Variants in TENM3 observed in about 807,000 individuals in gnomAD.
TENM3 encodes the protein teneurin-3.
A neutral mutation model predicts 255.1 loss-of-function variants in TENM3; 63 were observed. The observed-to-expected ratio is 0.25, with a 90% confidence interval of 0.20 to 0.30. The LOEUF is 0.30. Among genes scored for constraint, TENM3 ranks in the 10% least tolerant of loss-of-function variants. The probability of loss-of-function intolerance (pLI) is 1.00; values close to 1 mark genes in which losing one functional copy is unlikely to be tolerated. For synonymous variants in TENM3, 1,306 were observed against 1,322.3 expected, an observed-to-expected ratio of 0.99 and a Z score of 0.27; for missense variants, 2,929 against 3,461.1, an observed-to-expected ratio of 0.85 and a Z score of 3.86.
intron 3 of TENM3, among the ~76,000 whole-genome samples, chr4:182,377,345 G>T (rs1767246370): frequency 6.6e-6 from 1 of 152,148 alleles, no homozygotes; most frequent in East Asian, 1.9e-4. Context: ...ACAGAGTCTT[G>T]CTCTGTCACC....
the TENM3 span, among the ~76,000 whole-genome samples, chr4:181,887,756 G>A: frequency 6.6e-6 from 1 of 152,152 alleles, no homozygotes; most frequent in East Asian, 1.9e-4. Context: ...TTTTAAAGAC[G>A]AGATGCAGCT....
rs969278748 is a variant in TENM3, at chr4:182,475,276, G to T, written c.512-125648G>T. Reference sequence around the variant, plus strand: ...AAGTTGCCGTCTTATTTGAAAGTTGGTTATTTTTTAAAAAATTATTCTTTT... The same window carrying T: ...AAGTTGCCGTCTTATTTGAAAGTTGTTTATTTTTTAAAAAATTATTCTTTT... On this transcript the variant is annotated intron_variant, in intron 3 of 27. Transcript: ENST00000511685. Among the ~76,000 whole-genome samples the T allele has an allele frequency of 5.9e-5, 9 of 152,228 alleles. No homozygotes were observed. In the East Asian group the frequency reaches 1.7e-3, roughly 29 times the overall value.
chr4:182,306,481 T>A (rs1297838580), intron 1 of TENM3, among the ~76,000 whole-genome samples: 1 of 152,254 alleles, frequency 6.6e-6, no homozygotes, highest in Non-Finnish European at 1.5e-5. Flanking sequence ...TGTTTCCTAC[T>A]TGAATCTTTG....
intron 3 of TENM3, among the ~76,000 whole-genome samples, chr4:182,353,331 A>G (rs1765304702): frequency 6.6e-6 from 1 of 152,204 alleles, no homozygotes; most frequent in Non-Finnish European, 1.5e-5. Context: ...TAGCTTGAAT[A>G]TAAATTTCAC....
chr4:182,623,389 A>G (rs1300973533), intron 4 of TENM3, among the ~76,000 whole-genome samples: 3 of 146,900 alleles, frequency 2.0e-5, no homozygotes, highest in Admixed American at 6.8e-5. Flanking sequence ...TGCAACCTCC[A>G]TCTCCTGGGT....
intron 3 of TENM3, among the ~76,000 whole-genome samples, chr4:182,526,287 C>A (rs1739170778): frequency 6.6e-6 from 1 of 152,002 alleles, no homozygotes; most frequent in Admixed American, 6.6e-5. Context: ...GCTACATTTG[C>A]CGCTTTCTTA....
Position 182,324,066 on chromosome 4 carries a change from A to T in TENM3, c.46A>T (p.Arg16Ter). ...GCCTTACTGCTCCCTGACCAAGAGCAGACGAGAGAAGGAACGGCGCTACAC... is the reference window on the plus strand; with the variant it reads ...GCCTTACTGCTCCCTGACCAAGAGCTGACGAGAGAAGGAACGGCGCTACAC... ...RRPYCSLTKS[R>*]REKERRYTNS... Residue 16 changes from arginine (R) to a stop codon, truncating the protein, a stop_gained, in exon 2 of 28, where the codon AGA (arginine) becomes TGA (stop). Coordinates refer to ENST00000511685, the MANE Select transcript of TENM3 (RefSeq NM_001080477.4). LOFTEE classifies it high-confidence loss of function. 6.2e-7 allele frequency: 1 copy of T among 1,614,032 alleles called. No individual in the cohort carries two copies. The highest frequency in any genetic ancestry group is 8.5e-7 in the Non-Finnish European group (1 of 1,179,908).
intron 22 of TENM3, among the ~76,000 whole-genome samples, chr4:182,762,759 C>G (rs1045445234): frequency 1.3e-5 from 2 of 152,110 alleles, no homozygotes; most frequent in Admixed American, 1.3e-4. Flanking sequence ...CTCTTTGGAG[C>G]TCTCTCTGGG....
intron 3 of TENM3, among the ~76,000 whole-genome samples, chr4:182,595,894 T>C (rs1190790891): frequency 1.3e-5 from 2 of 150,854 alleles, no homozygotes; most frequent in Non-Finnish European, 3.0e-5. Context: ...TAGCTTTCAT[T>C]TTATATATTA....
At chr4:182,013,060 A>C in the TENM3 span, among the ~76,000 whole-genome samples, 4 of 152,278 alleles carry the variant, frequency 2.6e-5, no homozygotes, top group South Asian at 8.3e-4. Flanking sequence ...TTACTTGTCC[A>C]TTATATCACA....
chr4:181,807,965 A>T, the TENM3 span, among the ~76,000 whole-genome samples: 1 of 152,196 alleles, frequency 6.6e-6, no homozygotes, highest in Non-Finnish European at 1.5e-5. Context: ...TACAAAGGGC[A>T]GATTTTTCAC....
At chr4:181,868,081 G>A in the TENM3 span, among the ~76,000 whole-genome samples, 4 of 152,018 alleles carry the variant, frequency 2.6e-5, no homozygotes, top group Non-Finnish European at 5.9e-5. Flanking sequence ...TATTTTACGG[G>A]AAATTTTTTG....
At chr4:181,550,006 A>G in the TENM3 span, among the ~76,000 whole-genome samples, 2 of 152,188 alleles carry the variant, frequency 1.3e-5, no homozygotes, top group East Asian at 1.9e-4. Flanking sequence ...CATGGTGACA[A>G]GAGTGCTCGG....
intron 1 of TENM3, among the ~76,000 whole-genome samples, chr4:182,301,471 G>A (rs941947453): frequency 6.6e-6 from 1 of 152,192 alleles, no homozygotes; most frequent in African/African-American, 2.4e-5. Context: ...AACAGAGGCT[G>A]AAGTTAATTG....
chr4:181,960,388 C>A, the TENM3 span, among the ~76,000 whole-genome samples: 1 of 152,096 alleles, frequency 6.6e-6, no homozygotes, highest in South Asian at 2.1e-4. Context: ...TAAGGAGCGA[C>A]CTACCTCAAT....
chr4:182,398,559 G>C (rs1331621790), intron 3 of TENM3, among the ~76,000 whole-genome samples: 3 of 152,172 alleles, frequency 2.0e-5, no homozygotes, highest in Non-Finnish European at 4.4e-5. Context: ...TTCTAACTTA[G>C]TATGCTGGGT....
the TENM3 span, among the ~76,000 whole-genome samples, chr4:181,868,653 CA>C: frequency 2.0e-5 from 3 of 152,070 alleles, no homozygotes; most frequent in Non-Finnish European, 4.4e-5. Context: ...ATAATTAAAG[CA>C]AAAGATTGTC....
intron 1 of TENM3, among the ~76,000 whole-genome samples, chr4:182,278,077 G>A (rs142510365): frequency 0.017 from 2,589 of 152,154 alleles, 42 homozygotes; most frequent in Non-Finnish European, 0.024. Context: ...AATAACAAAC[G>A]TACTAGCAGC....
At chr4:182,770,455 C>T (rs75028894) in intron 22 of TENM3, among the ~76,000 whole-genome samples, 16,023 of 152,192 alleles carry the variant, frequency 0.11, 921 homozygotes, top group African/African-American at 0.15. Context: ...CACCTTCCTC[C>T]GCAGCCCTCC....
Sources: gnomAD v4.1 joint callset for allele counts (sites outside exome capture counted in the v4.1 genomes callset) on GRCh38, gnomAD v4.1.1 for gene constraint, MANE v1.5 for transcripts, NCBI Gene and HGNC (gene_info 2026-07-23, HGNC 2026-07-21) for gene names.